Variants in LRP1B observed in about 807,000 individuals in gnomAD.
LRP1B encodes low-density lipoprotein receptor-related protein 1B.
A neutral mutation model predicts 556.6 loss-of-function variants in LRP1B; 217 were observed. That is an observed-to-expected ratio of 0.39 (90% CI 0.35 to 0.44). LRP1B has a LOEUF of 0.44. LRP1B is among the 20% of genes least tolerant of loss of function. The pLI is 1.00. For missense variants in LRP1B, 5,053 were observed against 5,620.8 expected (o/e 0.90, Z 3.23); for synonymous variants, 2,047 against 1,865.8 (o/e 1.10, Z -2.50).
chr2:140,934,261 C>T (rs1233381328), intron 20 of LRP1B, among the ~76,000 whole-genome samples: 1 of 151,824 alleles, frequency 6.6e-6, no homozygotes, highest in Non-Finnish European at 1.5e-5. Flanking sequence ...TTTGGGAATT[C>T]CCCTAAATTC....
chr2:140,510,186 G>T, intron 51 of LRP1B, 130 bp from the exon 52 acceptor site: 3 of 892,074 alleles, frequency 3.4e-6, no homozygotes, highest in South Asian at 1.8e-5. Flanking sequence ...GTAGTTATTG[G>T]GAATCATTAA....
intron 7 of LRP1B, among the ~76,000 whole-genome samples, chr2:141,064,923 A>G (rs1293618302): frequency 1.3e-5 from 2 of 151,890 alleles, no homozygotes; most frequent in Non-Finnish European, 2.9e-5. Flanking sequence ...CAAATCATAA[A>G]CAAGTAAATG....
At chr2:140,881,154 TTA>T (rs1412959572) in intron 25 of LRP1B, among the ~76,000 whole-genome samples, 1 of 152,106 alleles carries the variant, frequency 6.6e-6, no homozygotes, top group Non-Finnish European at 1.5e-5. Context: ...GGGGAAAATC[TTA>T]TGTTTATATT....
intron 3 of LRP1B, among the ~76,000 whole-genome samples, chr2:141,296,372 A>G (rs994955261): frequency 1.3e-5 from 2 of 152,196 alleles, no homozygotes; most frequent in African/African-American, 4.8e-5. Flanking sequence ...TTTCACATAT[A>G]AGGGAATTTA....
intron 43 of LRP1B, among the ~76,000 whole-genome samples, chr2:140,558,659 A>T (rs1361193655): frequency 6.6e-6 from 1 of 151,872 alleles, no homozygotes; most frequent in Non-Finnish European, 1.5e-5. Context: ...ATGTTTTAGG[A>T]TGGGTGCAGT....
intron 2 of LRP1B, among the ~76,000 whole-genome samples, chr2:141,771,619 C>A (rs1249624899): frequency 6.6e-6 from 1 of 151,950 alleles, no homozygotes. Context: ...ATTTTATTCC[C>A]TATTGCTATG....
chr2:140,578,650 T>C (rs1302666882), intron 43 of LRP1B, among the ~76,000 whole-genome samples: 1 of 152,120 alleles, frequency 6.6e-6, no homozygotes. Flanking sequence ...CAAAAATGAG[T>C]TAATGTGTGC....
At chr2:141,801,522 T>C (rs1696006070) in intron 2 of LRP1B, among the ~76,000 whole-genome samples, 1 of 152,178 alleles carries the variant, frequency 6.6e-6, no homozygotes, top group Non-Finnish European at 1.5e-5. Context: ...CTGCATGTGC[T>C]AGATCACCAG....
intron 3 of LRP1B, among the ~76,000 whole-genome samples, chr2:141,463,570 T>TATA (rs1559083806): frequency 1.4e-4 from 8 of 59,226 alleles, no homozygotes; most frequent in South Asian, 1.2e-3. Context: ...ATATATTATA[T>TATA]ATTATATATA....
At chr2:141,810,169 G>GAAAGAAAGAAAT in intron 2 of LRP1B, 110 bp downstream of exon 2, 1 of 727,154 alleles carries the variant, frequency 1.4e-6, no homozygotes, top group South Asian at 3.7e-5. Flanking sequence ...AAGAAAGAAG[G>GAAAGAAAGAAAT]AAAGAAAGAA....
chr2:140,304,156 A>C (rs1232103586), intron 83 of LRP1B, among the ~76,000 whole-genome samples: 1 of 152,106 alleles, frequency 6.6e-6, no homozygotes, highest in Non-Finnish European at 1.5e-5. Context: ...ATGATTTATA[A>C]TCCTTTGGGT....
intron 66 of LRP1B, among the ~76,000 whole-genome samples, chr2:140,407,668 T>C (rs1169145099): frequency 1.3e-5 from 2 of 151,838 alleles, no homozygotes; most frequent in African/African-American, 2.4e-5. Flanking sequence ...AATTAAAAAG[T>C]CAAAAAATAG....
At chr2:140,578,270 T>C (rs1681613979) in intron 43 of LRP1B, among the ~76,000 whole-genome samples, 2 of 152,194 alleles carry the variant, frequency 1.3e-5, no homozygotes, top group African/African-American at 4.8e-5. Context: ...CAGTTTTTTT[T>C]TTCACTTTCG....
At chr2:141,312,843 G>A (rs1364804367) in intron 3 of LRP1B, among the ~76,000 whole-genome samples, 2 of 151,826 alleles carry the variant, frequency 1.3e-5, no homozygotes, top group South Asian at 2.1e-4. Flanking sequence ...TGCCTGCCTG[G>A]ATAATTTTTG....
At chr2:141,732,809 A>G (rs2105522252) in intron 2 of LRP1B, among the ~76,000 whole-genome samples, 1 of 152,264 alleles carries the variant, frequency 6.6e-6, no homozygotes, top group East Asian at 1.9e-4. Flanking sequence ...AACCGCATAG[A>G]CTATAAGTTT....
intron 1 of LRP1B, among the ~76,000 whole-genome samples, chr2:142,043,456 G>A (rs1704131729): frequency 6.6e-6 from 1 of 151,482 alleles, no homozygotes; most frequent in South Asian, 2.1e-4. Flanking sequence ...CAGCAATAAA[G>A]CATCCCTTTT....
At chr2:140,287,491 T>C (rs752352381) in intron 84 of LRP1B, among the ~76,000 whole-genome samples, 7 of 151,798 alleles carry the variant, frequency 4.6e-5, no homozygotes, top group Non-Finnish European at 8.8e-5. Context: ...TTTCTGTCAG[T>C]TGATTTTCAA....
At chr2:140,677,940 G>A (rs971161471) in intron 41 of LRP1B, among the ~76,000 whole-genome samples, 4 of 151,604 alleles carry the variant, frequency 2.6e-5, no homozygotes, top group Admixed American at 1.3e-4. Flanking sequence ...GAGAATGAGT[G>A]GCATTGTTCT....
chr2:142,025,592 T>C (rs1167539614), intron 1 of LRP1B, among the ~76,000 whole-genome samples: 2 of 152,086 alleles, frequency 1.3e-5, no homozygotes, highest in African/African-American at 4.8e-5. Flanking sequence ...CAATTAACTC[T>C]GCCCAGAGGA....
Sources: gnomAD v4.1 joint callset for allele counts (sites outside exome capture counted in the v4.1 genomes callset) on GRCh38, gnomAD v4.1.1 for gene constraint, MANE v1.5 for transcripts, NCBI Gene and HGNC (gene_info 2026-07-23, HGNC 2026-07-21) for gene names.